Variants in LYRM4 observed in about 807,000 individuals in gnomAD.
The protein encoded by LYRM4 is LYR motif-containing protein 4.
Under a neutral mutation model 11.7 loss-of-function variants are expected in LYRM4, and 9 were observed. The ratio of observed to expected loss-of-function variants is 0.77; its 90% CI spans 0.46 to 1.34. The LOEUF is 1.34. LYRM4 is among the 40% of genes most tolerant of loss of function. The pLI is 0.00. For synonymous variants in LYRM4, 42 were observed against 40.4 expected (o/e 1.04, Z -0.15); for missense variants, 133 against 112.5 (o/e 1.18, Z -0.82).
At chr6:5,246,292 T>G (rs1764193497) in intron 1 of LYRM4, among the ~76,000 whole-genome samples, 1 of 152,216 alleles carries the variant, frequency 6.6e-6, no homozygotes. Context: ...GAGTGCCATG[T>G]GAAGCTAAGA....
At chr6:5,174,652 CTG>C (rs1322702998) in intron 2 of LYRM4, among the ~76,000 whole-genome samples, 1 of 152,190 alleles carries the variant, frequency 6.6e-6, no homozygotes, top group Non-Finnish European at 1.5e-5. Context: ...CTCTTGGTCA[CTG>C]TTTATTTTGT....
intron 2 of LYRM4, among the ~76,000 whole-genome samples, chr6:5,206,310 G>C (rs1034539561): frequency 3.3e-5 from 5 of 152,226 alleles, no homozygotes; most frequent in African/African-American, 9.6e-5. Flanking sequence ...GCCAGCCAGT[G>C]GGGGGTGGGA....
intron 2 of LYRM4, among the ~76,000 whole-genome samples, chr6:5,175,951 A>G (rs1759690900): frequency 6.6e-6 from 1 of 152,152 alleles, no homozygotes. Context: ...CAGCCATTTG[A>G]GTACACCCAG....
the LYRM4 span, among the ~76,000 whole-genome samples, chr6:5,080,117 T>C: frequency 2.6e-5 from 4 of 152,246 alleles, no homozygotes; most frequent in Non-Finnish European, 5.9e-5. Context: ...GGGTATTCTA[T>C]GACATCTCAT....
intron 2 of LYRM4, among the ~76,000 whole-genome samples, chr6:5,165,208 T>C (rs1312209362): frequency 6.6e-6 from 1 of 152,222 alleles, no homozygotes; most frequent in Non-Finnish European, 1.5e-5. Flanking sequence ...CAGTTTGCCT[T>C]AATTTCCCAT....
At position 5,154,997 on chromosome 6, in the gene LYRM4, G is replaced by A. The variant is rs1413847533; in HGVS notation, c.208-45506C>T. 2.6e-5 allele frequency among the ~76,000 whole-genome samples: 4 copies of A among 152,172 alleles called. No homozygotes were observed. The South Asian group carries it at 8.3e-4, about 32-fold the overall frequency. On this transcript the variant is annotated intron_variant, in intron 2 of 2. Transcript: ENST00000330636. ...AGGATGGTGGATGGGATGCATAGAC[G>A]GAGCAAGAGTGACACAGAAGCACTG...
chr6:5,144,325 G>A, intron 2 of LYRM4: 2 of 1,525,728 alleles, frequency 1.3e-6, no homozygotes, highest in African/African-American at 2.7e-5. Context: ...AGAAAAAGAA[G>A]TGGCTTACGT....
At chr6:5,192,843 T>C (rs1293931667) in intron 2 of LYRM4, among the ~76,000 whole-genome samples, 1 of 152,160 alleles carries the variant, frequency 6.6e-6, no homozygotes, top group South Asian at 2.1e-4. Flanking sequence ...TGGGCCAACA[T>C]GGCAAAACCC....
chr6:5,139,319 C>T (rs1163087211), intron 2 of LYRM4, among the ~76,000 whole-genome samples: 1 of 152,208 alleles, frequency 6.6e-6, no homozygotes, highest in Admixed American at 6.5e-5. Flanking sequence ...ATATCCAGAA[C>T]TCTGACCAAC....
chr6:5,225,844 C>T lies in LYRM4; in HGVS notation c.87-9106G>A, dbSNP rs149576199. Among the ~76,000 whole-genome samples, 35 of 152,334 alleles carry T rather than the reference C, an allele frequency of 2.3e-4. 1 individual carries two copies. The East Asian group carries it at 6.4e-3, about 28-fold the overall frequency. On this transcript the variant is annotated intron_variant, in intron 1 of 2. Coordinates refer to ENST00000330636, the MANE Select transcript of LYRM4 (RefSeq NM_020408.6). ...AAGTTTATGTCCCCAACATCTCTGC[C>T]AACACAGTGCATCATCAAACTTTTT...
At chr6:5,210,909 A>G (rs185937521) in intron 2 of LYRM4, among the ~76,000 whole-genome samples, 131 of 152,254 alleles carry the variant, frequency 8.6e-4, no homozygotes, top group African/African-American at 2.8e-3. Flanking sequence ...TTATCCATTC[A>G]TTGTTGATGG....
chr6:5,239,322 A>G (rs1218160748), intron 1 of LYRM4, among the ~76,000 whole-genome samples: 2 of 152,056 alleles, frequency 1.3e-5, no homozygotes, highest in Non-Finnish European at 2.9e-5. Context: ...TGGAGTGTTG[A>G]GTTTGCCTGA....
chr6:5,043,462 G>C, the LYRM4 span: 1 of 152,108 alleles, frequency 6.6e-6, no homozygotes, highest in Admixed American at 6.5e-5. Flanking sequence ...TAGGGCAAAT[G>C]ATGGCCTTCT....
chr6:5,175,845 G>A (rs1251341158), intron 2 of LYRM4, among the ~76,000 whole-genome samples: 4 of 152,082 alleles, frequency 2.6e-5, no homozygotes, highest in Non-Finnish European at 4.4e-5. Context: ...AGGCTACCAC[G>A]ATGTGAGGAA....
Position 5,144,072 on chromosome 6 carries a change from A to G in LYRM4, c.208-34581T>C, listed in dbSNP as rs930883572. The G allele has an allele frequency of 3.5e-5, 52 of 1,480,784 alleles. No individual in the cohort carries two copies. The East Asian group carries it at 6.8e-4, about 19-fold the overall frequency. 91.7% of individuals were successfully genotyped at this position (1,480,784 alleles called of 1,614,324 possible). On this transcript the variant is annotated intron_variant, in intron 2 of 2. Coordinates refer to ENST00000330636, the MANE Select transcript of LYRM4 (RefSeq NM_020408.6). ...CCTGAATAGCTGCTTCATACTCCAG[A>G]AAAAGAAATGCTTAGAGAGGTGAGA...
the LYRM4 span, among the ~76,000 whole-genome samples, chr6:5,076,743 T>C: frequency 6.6e-6 from 1 of 152,122 alleles, no homozygotes; most frequent in African/African-American, 2.4e-5. Flanking sequence ...ATGTTGGAGA[T>C]CTTAGAATGT....
chr6:5,197,179 G>A lies in LYRM4; in HGVS notation c.207+19439C>T, dbSNP rs1761102458. Among the ~76,000 whole-genome samples the A allele has an allele frequency of 1.3e-5, 2 of 152,054 alleles. 1 individual carries two copies. Among genetic ancestry groups the A allele is most frequent in the Admixed American group, 1.3e-4 (2 of 15,276 alleles). ...AATATCTAACAGAACCTCAAACCAA[G>A]TCCTTTGGAAAAAACATAGGTGCTT... On this transcript the variant is annotated intron_variant, in intron 2 of 2. Transcript: ENST00000330636.
rs774277032 is a variant in LYRM4, at chr6:5,216,764, G to A, written c.87-26C>T. On this transcript the variant is annotated intron_variant, in intron 1 of 2. Transcript: ENST00000330636. ...CTAAATGAATTCAGAGGAAAAAAAA[G>A]AAAAGGTGTCAGCGTGTCTGAGGCT... The A allele has an allele frequency of 2.5e-6, 4 of 1,603,712 alleles. No homozygotes were observed. In the East Asian group the frequency reaches 6.7e-5, roughly 27 times the overall value.
In LYRM4 at chr6:5,184,489, G is replaced by A. The variant is rs140092676; in HGVS notation, c.207+32129C>T. ...ATTGATTTTGCTTTGTGGAGATGCC[G>A]TTAAAACCACAGGAAAACAAAAAGT... On this transcript the variant is annotated intron_variant, in intron 2 of 2. Coordinates refer to ENST00000330636, the MANE Select transcript of LYRM4 (RefSeq NM_020408.6). Among the ~76,000 whole-genome samples, 245 of 152,222 alleles carry A rather than the reference G, an allele frequency of 1.6e-3. 1 individual carries two copies. The highest frequency in any genetic ancestry group is 6.8e-3 in the Middle Eastern group (2 of 294).
Sources: gnomAD v4.1 joint callset for allele counts (sites outside exome capture counted in the v4.1 genomes callset) on GRCh38, gnomAD v4.1.1 for gene constraint, MANE v1.5 for transcripts, NCBI Gene and HGNC (gene_info 2026-07-23, HGNC 2026-07-21) for gene names.